The following AGO3 variants were observed in gnomAD, a reference collection of about 807,000 sequenced individuals.
The protein encoded by AGO3 is argonaute RISC catalytic component 3.
Under a neutral mutation model 105.5 loss-of-function variants are expected in AGO3, and 16 were observed. The ratio of observed to expected loss-of-function variants is 0.15; its 90% confidence interval spans 0.10 to 0.23. The LOEUF is 0.23. Ranked by LOEUF, AGO3 falls within the 10% of genes least tolerant of loss-of-function variation. AGO3 has a pLI of 1.00. For missense variants in AGO3, 534 were observed against 1,088.0 expected (o/e 0.49, Z 7.16); for synonymous variants, 340 against 367.3 (o/e 0.93, Z 0.85).
intron 2 of AGO3, among the ~76,000 whole-genome samples, chr1:35,962,456 T>G (rs1423842827): frequency 6.7e-6 from 1 of 150,024 alleles, no homozygotes; most frequent in Admixed American, 6.7e-5. Flanking sequence ...GGCAGGAGAA[T>G]AGTGTGAACC....
intron 16 of AGO3, 82 bp downstream of exon 16, chr1:36,040,523 C>A: frequency 2.0e-6 from 3 of 1,467,408 alleles, no homozygotes; most frequent in South Asian, 1.3e-5. Flanking sequence ...GGGCCCTCTG[C>A]CAACAGCAGG....
At chr1:36,044,732 G>A (rs765424279) in intron 17 of AGO3, among the ~76,000 whole-genome samples, 5 of 152,138 alleles carry the variant, frequency 3.3e-5, no homozygotes, top group Non-Finnish European at 7.4e-5. Context: ...TTGAGCCACT[G>A]CACCTGGCCT....
chr1:36,049,941 AAAG>A (rs1341492881), intron 17 of AGO3, among the ~76,000 whole-genome samples: 37 of 152,228 alleles, frequency 2.4e-4, no homozygotes, highest in Admixed American at 2.2e-3. Context: ...AGCTCTAAAG[AAAG>A]AAGGAGACTC....
At chr1:35,952,104 GGGTC>G (rs1003175448) in intron 2 of AGO3, among the ~76,000 whole-genome samples, 3 of 145,994 alleles carry the variant, frequency 2.1e-5, no homozygotes, top group Non-Finnish European at 4.5e-5. Context: ...TGTCGGTTCT[GGGTC>G]GGTCTTTCTT....
In AGO3 at chr1:36,034,344, C is replaced by T. The variant is rs925763023; in HGVS notation, c.1751+11C>T. 1 of 1,565,354 alleles carries T rather than the reference C, an allele frequency of 6.4e-7. No individual in the cohort carries two copies. The highest frequency in any genetic ancestry group is 8.6e-7 in the Non-Finnish European group (1 of 1,156,238). Reference sequence around the variant, plus strand: ...TGTACCTCATCAAAGGTAAGATATGCTAATCGCTTATGAAAATATTATTTT... The same window carrying T: ...TGTACCTCATCAAAGGTAAGATATGTTAATCGCTTATGAAAATATTATTTT... On this transcript the variant is annotated intron_variant, in intron 13 of 18. Coordinates refer to ENST00000373191, the MANE Select transcript of AGO3 (RefSeq NM_024852.4).
At chr1:36,013,468 C>T (rs1299467174) in intron 9 of AGO3, 162 bp from the exon 10 acceptor site, 3 of 891,908 alleles carry the variant, frequency 3.4e-6, no homozygotes, top group Non-Finnish European at 5.0e-6. Context: ...GACCCATGGT[C>T]CCCAGGTTAA....
rs560245655 is a variant in AGO3, at chr1:36,072,149, T to C, written c.*16404T>C. 1 of 152,322 alleles carries C rather than the reference T, an allele frequency of 6.6e-6. No homozygotes were observed. The highest frequency in any genetic ancestry group is 2.1e-4 in the South Asian group (1 of 4,822). The allele number at this position is 152,322 out of a possible 1,614,324, so 9.4% of individuals were successfully genotyped here. A position where few individuals can be genotyped will look rare whatever the true frequency, so the allele number is the denominator to read the frequency against. ...TAAACTATCTTCCCCACAGAAATTA[T>C]TATACTACGAACAAGTTATGAGTGA... On this transcript the variant is annotated 3_prime_UTR_variant, in exon 19 of 19. Coordinates refer to ENST00000373191, the MANE Select transcript of AGO3 (RefSeq NM_024852.4).
chr1:35,989,973 T>C (rs1477660795), intron 5 of AGO3, among the ~76,000 whole-genome samples: 1 of 152,220 alleles, frequency 6.6e-6, no homozygotes, highest in Non-Finnish European at 1.5e-5. Context: ...GATAGAATGC[T>C]AAGCATTTTA....
intron 11 of AGO3, among the ~76,000 whole-genome samples, chr1:36,024,470 G>A (rs563896378): frequency 1.4e-4 from 22 of 151,928 alleles, no homozygotes; most frequent in Non-Finnish European, 2.9e-4. Flanking sequence ...TTGCCTTCTG[G>A]TTCTTTAGTT....
chr1:35,933,593 G>T (rs565699309), intron 1 of AGO3, among the ~76,000 whole-genome samples: 2 of 121,598 alleles, frequency 1.6e-5, no homozygotes, highest in South Asian at 2.7e-4. Flanking sequence ...AGTGAGCTAT[G>T]ATCGCGCCAC....
intron 2 of AGO3, among the ~76,000 whole-genome samples, chr1:35,952,443 G>A (rs1403117584): frequency 2.0e-5 from 3 of 151,888 alleles, no homozygotes; most frequent in Non-Finnish European, 2.9e-5. Context: ...GCATCCGGCC[G>A]GATATTTCTT....
intron 2 of AGO3, among the ~76,000 whole-genome samples, chr1:35,962,958 T>C (rs1394596543): frequency 6.6e-6 from 1 of 152,216 alleles, no homozygotes; most frequent in Non-Finnish European, 1.5e-5. Context: ...GCTTTTAGTT[T>C]ATACCGATTA....
At chr1:36,002,641 T>A (rs1276520753) in intron 5 of AGO3, among the ~76,000 whole-genome samples, 4 of 143,990 alleles carry the variant, frequency 2.8e-5, no homozygotes, top group Non-Finnish European at 6.0e-5. Flanking sequence ...CAAAAATATT[T>A]TGAAGAAAAT....
chr1:35,933,321 A>G (rs1237295649), intron 1 of AGO3, among the ~76,000 whole-genome samples: 1 of 152,190 alleles, frequency 6.6e-6, no homozygotes, highest in Non-Finnish European at 1.5e-5. Flanking sequence ...CTTTAAGTTG[A>G]AAGCATAGCT....
At position 36,055,547 on chromosome 1, in the gene AGO3, T is replaced by C. The variant is rs1642889836; in HGVS notation, c.2475-90T>C. 8.1e-7 allele frequency: 1 copy of C among 1,240,804 alleles called. No homozygotes were observed. Among genetic ancestry groups the C allele is most frequent in the Non-Finnish European group, 1.2e-6 (1 of 853,816 alleles). 76.9% of individuals were successfully genotyped at this position (1,240,804 alleles called of 1,614,324 possible). A position where few individuals can be genotyped will look rare whatever the true frequency, so the allele number is the denominator to read the frequency against. ...ACCAGTCTCTTATTTGTTAATAATT[T>C]TGAAATTTTCTACAACAAATAGTAT... On this transcript the variant is annotated intron_variant, in intron 18 of 18. Transcript: ENST00000373191. This position sits in a 1 kb window ranked among gnomAD's most constrained non-coding sequence, Gnocchi z 4.4.
intron 5 of AGO3, among the ~76,000 whole-genome samples, chr1:35,993,318 A>G (rs1243222330): frequency 2.0e-5 from 3 of 152,184 alleles, no homozygotes; most frequent in Non-Finnish European, 4.4e-5. Flanking sequence ...TGTACAGAAT[A>G]TCAATGAAGC....
At chr1:35,934,030 T>C (rs1230891013) in intron 1 of AGO3, among the ~76,000 whole-genome samples, 1 of 152,214 alleles carries the variant, frequency 6.6e-6, no homozygotes, top group African/African-American at 2.4e-5. Context: ...TAGTTAAAAA[T>C]TAATCAACAG....
At chr1:36,030,201 A>G (rs1348318417) in intron 12 of AGO3, among the ~76,000 whole-genome samples, 4 of 152,156 alleles carry the variant, frequency 2.6e-5, no homozygotes, top group Non-Finnish European at 5.9e-5. Context: ...GTTTTTATTC[A>G]TAGTTAAAGA....
At chr1:35,995,539 G>C (rs1292675453) in intron 5 of AGO3, among the ~76,000 whole-genome samples, 1 of 151,992 alleles carries the variant, frequency 6.6e-6, no homozygotes, top group African/African-American at 2.4e-5. Flanking sequence ...TGTAACAACT[G>C]GGTATTTGTA....
Sources: allele counts gnomAD v4.1 joint callset (sites outside exome capture counted in the v4.1 genomes callset), GRCh38; gene constraint gnomAD v4.1.1; non-coding constraint Gnocchi (gnomAD v3.1); transcripts MANE v1.5; gene names NCBI Gene and HGNC (gene_info 2026-07-23, HGNC 2026-07-21).